The following MED12L variants were observed in gnomAD, a reference collection of about 807,000 sequenced individuals.
MED12L encodes mediator complex subunit 12L, also known as mediator of RNA polymerase II transcription subunit 12-like protein.
MED12L carries 60 observed loss-of-function variants against 281.3 expected under a neutral mutation model. That is an observed-to-expected ratio of 0.21 (90% CI 0.17 to 0.26). The LOEUF (loss-of-function observed/expected upper bound fraction) is 0.26, where lower values mean the gene tolerates loss of function less well. Among genes scored for constraint, MED12L ranks in the 10% least tolerant of loss-of-function variants. The pLI is 1.00. For synonymous variants in MED12L, 974 were observed against 987.2 expected (o/e 0.99, Z 0.25); for missense variants, 2,146 against 2,680.9 (o/e 0.80, Z 4.41).
At position 151,085,775 on chromosome 3, in the gene MED12L, G is replaced by A. The variant is rs1719076035; in HGVS notation, c.-291G>A. ...CGGCGTCGCTCGCCGCCCCCAGACA[G>A]TGGCAAACTTCGCGGCGTTCCCGGA... On this transcript the variant is annotated 5_prime_UTR_variant, in exon 1 of 45. It adds an upstream start codon to the 5' untranslated region. Coordinates refer to ENST00000687756, the MANE Select transcript of MED12L (RefSeq NM_001393769.1). The A allele has an allele frequency of 6.6e-6, 1 of 152,064 alleles. No homozygotes were observed. The highest frequency in any genetic ancestry group is 2.1e-4 in the South Asian group (1 of 4,834). The allele number at this position is 152,064 out of a possible 1,614,324, so 9.4% of individuals were successfully genotyped here.
chr3:151,238,958 T>A (rs1167474876), intron 16 of MED12L, among the ~76,000 whole-genome samples: 3 of 152,202 alleles, frequency 2.0e-5, no homozygotes, highest in Non-Finnish European at 4.4e-5. Context: ...TGGCAAACAT[T>A]TTCTCAAAAC....
intron 17 of MED12L, 136 bp from the exon 18 acceptor site, chr3:151,354,985 G>A: frequency 1.4e-6 from 1 of 693,184 alleles, no homozygotes; most frequent in Non-Finnish European, 2.5e-6. Flanking sequence ...GTCTTATTGT[G>A]TATTTATTTT....
At chr3:151,261,902 T>G (rs1445661164) in intron 16 of MED12L, among the ~76,000 whole-genome samples, 1 of 152,072 alleles carries the variant, frequency 6.6e-6, no homozygotes, top group African/African-American at 2.4e-5. Context: ...TTTTTTTGTA[T>G]TTTTAGTAGA....
rs1434898242 is a variant in MED12L at position 151,190,934 on chromosome 3, A to G, written c.1968+3A>G. The stretch of plus-strand genomic sequence containing the variant: ...AGGACCATGATGTGAAAATGGAGGT[A>G]TGGCCCTGGATATGATGCCCCACTC... On this transcript the variant is annotated splice_donor_region_variant and intron_variant, in intron 14 of 44. Coordinates refer to ENST00000687756, the MANE Select transcript of MED12L (RefSeq NM_001393769.1). 1.2e-6 allele frequency: 2 copies of G among 1,613,306 alleles called. No individual in the cohort carries two copies. The highest frequency in any genetic ancestry group is 1.7e-6 in the Non-Finnish European group (2 of 1,179,534).
rs560154256 is a variant in MED12L at position 151,435,286 on chromosome 3, C to T, written c.*2482C>T. On this transcript the variant is annotated 3_prime_UTR_variant, in exon 45 of 45. Coordinates refer to ENST00000687756, the MANE Select transcript of MED12L (RefSeq NM_001393769.1). Reference sequence around the variant, plus strand: ...TCACAGTTCTTGGATATAAGAAGCCCATAGACTCTCTTGTTTACACTGTAG... The same window carrying T: ...TCACAGTTCTTGGATATAAGAAGCCTATAGACTCTCTTGTTTACACTGTAG... The T allele has an allele frequency of 2.6e-5, 4 of 152,144 alleles. No homozygotes were observed. In the East Asian group the frequency reaches 7.7e-4, roughly 29 times the overall value. The allele number at this position is 152,144 out of a possible 1,614,324, so 9.4% of individuals were successfully genotyped here.
chr3:151,184,663 T>C (rs146893368), intron 11 of MED12L, among the ~76,000 whole-genome samples: 1 of 152,322 alleles, frequency 6.6e-6, no homozygotes, highest in African/African-American at 2.4e-5. Context: ...TTCTAGGCCA[T>C]GACAACTGTG....
intron 27 of MED12L, among the ~76,000 whole-genome samples, chr3:151,373,139 G>C (rs1452883492): frequency 2.0e-5 from 3 of 151,968 alleles, no homozygotes; most frequent in Admixed American, 6.6e-5. Flanking sequence ...TTAGCTTTTG[G>C]TACAGTAATT....
chr3:151,414,145 C>T (rs1717281810), intron 42 of MED12L, among the ~76,000 whole-genome samples: 1 of 152,200 alleles, frequency 6.6e-6, no homozygotes, highest in South Asian at 2.1e-4. Flanking sequence ...AGCCACCACA[C>T]GCAGCTTCCT....
chr3:151,292,746 A>G (rs1355790171), intron 16 of MED12L, among the ~76,000 whole-genome samples: 1 of 151,162 alleles, frequency 6.6e-6, no homozygotes, highest in Non-Finnish European at 1.5e-5. Flanking sequence ...CTGATTTTGT[A>G]TTTTTAGTAG....
At chr3:151,387,170 A>G (rs182551782) in intron 36 of MED12L, among the ~76,000 whole-genome samples, 35 of 151,564 alleles carry the variant, frequency 2.3e-4, no homozygotes, top group Admixed American at 1.6e-3. Flanking sequence ...GATGTCACCA[A>G]TTAATGTTAA....
At chr3:151,190,964 A>G in intron 14 of MED12L, 33 bp downstream of exon 14, 2 of 1,590,744 alleles carry the variant, frequency 1.3e-6, no homozygotes, top group South Asian at 1.1e-5. Context: ...CCACTCCCCC[A>G]GAAACTAAAC....
rs1719870874 is a variant in MED12L at position 151,434,468 on chromosome 3, C to T, written c.*1664C>T. ...TACTCTGGGCTGGAAAAGACTTTGC[C>T]AAAACATTAAAAACTATTCTTTTCA... On this transcript the variant is annotated 3_prime_UTR_variant, in exon 45 of 45. Transcript: ENST00000687756. 1 of 152,220 alleles carries T rather than the reference C, an allele frequency of 6.6e-6. No individual in the cohort carries two copies. Among genetic ancestry groups the T allele is most frequent in the African/African-American group, 2.4e-5 (1 of 41,538 alleles). The allele number at this position is 152,220 out of a possible 1,614,324, so 9.4% of individuals were successfully genotyped here. A position where few individuals can be genotyped will look rare whatever the true frequency, so the allele number is the denominator to read the frequency against.
chr3:151,167,099 C>G (rs1425378672), intron 11 of MED12L, among the ~76,000 whole-genome samples: 1 of 152,166 alleles, frequency 6.6e-6, no homozygotes, highest in Non-Finnish European at 1.5e-5. Flanking sequence ...ATCTTTTTAG[C>G]AACAACTAGA....
chr3:151,138,863 T>C (rs1716520748), intron 5 of MED12L, among the ~76,000 whole-genome samples: 1 of 152,172 alleles, frequency 6.6e-6, no homozygotes, highest in African/African-American at 2.4e-5. Flanking sequence ...CTTTACTCTT[T>C]GGAAGGAAGT....
intron 26 of MED12L, among the ~76,000 whole-genome samples, chr3:151,370,497 G>A (rs1311549320): frequency 6.6e-6 from 1 of 152,150 alleles, no homozygotes; most frequent in Non-Finnish European, 1.5e-5. Context: ...CTTAAGAAAG[G>A]ATACACACAC....
chr3:151,210,472 T>G (rs918949270), intron 16 of MED12L, among the ~76,000 whole-genome samples: 1 of 152,210 alleles, frequency 6.6e-6, no homozygotes, highest in Non-Finnish European at 1.5e-5. Context: ...GTGTGATCTT[T>G]TTATATGATT....
chr3:151,147,431 C>T (rs757831840), intron 5 of MED12L, among the ~76,000 whole-genome samples: 4 of 152,194 alleles, frequency 2.6e-5, no homozygotes, highest in Non-Finnish European at 4.4e-5. Flanking sequence ...TGTTTTTTAG[C>T]ATGTTCACAG....
At chr3:151,194,046 A>G (rs992521882) in intron 16 of MED12L, among the ~76,000 whole-genome samples, 9 of 149,708 alleles carry the variant, frequency 6.0e-5, no homozygotes, top group Admixed American at 6.0e-4. Flanking sequence ...ACTCACCACA[A>G]CCTCTGCCTC....
At position 151,365,986 on chromosome 3, in the gene MED12L, G is replaced by A; in HGVS notation, c.3322G>A (p.Val1108Ile). The change falls in exon 23 of 45, where the codon GTA becomes ATA. Residue 1108 changes from valine (V) to isoleucine (I), a missense_variant. Val to Ile is a conservative substitution (Grantham distance 29). Around this residue, in one of 9 missense-constraint regions of MED12L, gnomAD observed 404 missense variants for 603.5 expected, o/e 0.67. Transcript: ENST00000687756. ...VWGFNDVLCT[V>I]DVSDLSFHDS... ...GGGGTTTAATGATGTACTTTGCACT[G>A]TAGATGTAAGTTTTCTTTTTCATTT... is the stretch of plus-strand genomic sequence containing the variant. 6.4e-7 allele frequency: 1 copy of A among 1,552,510 alleles called. No homozygotes were observed. Among genetic ancestry groups the A allele is most frequent in the East Asian group, 2.3e-5 (1 of 44,162 alleles).
Sources: allele counts gnomAD v4.1 joint callset (sites outside exome capture counted in the v4.1 genomes callset), GRCh38; gene constraint gnomAD v4.1.1; regional missense constraint gnomAD v4.1.1; transcripts MANE v1.5; gene names NCBI Gene and HGNC (gene_info 2026-07-23, HGNC 2026-07-21).